The following KDM5D variants were observed in gnomAD, a reference collection of about 807,000 sequenced individuals.
KDM5D encodes lysine-specific demethylase 5D.
Under a neutral mutation model 31.9 loss-of-function variants are expected in KDM5D, and 25 were observed. The ratio of observed to expected loss-of-function variants is 0.78; its 90% confidence interval spans 0.57 to 1.09. KDM5D has a LOEUF of 1.09. Ranked by LOEUF, KDM5D falls within the 50% of genes least tolerant of loss-of-function variation. The probability of loss-of-function intolerance (pLI) is 0.00; values close to 1 mark genes in which losing one functional copy is unlikely to be tolerated. For synonymous variants in KDM5D, 146 were observed against 122.3 expected (o/e 1.19, Z -1.28); for missense variants, 366 against 341.6 (o/e 1.07, Z -0.56).
rs1268263652 is a variant in KDM5D, at chrY:19,710,260, C to T, written c.2583+116G>A. 4 of 372,181 alleles carry T rather than the reference C, an allele frequency of 1.1e-5. No homozygotes were observed. In the Admixed American group the frequency reaches 3.4e-4, roughly 32 times the overall value. 92.8% of individuals were successfully genotyped at this position (372,181 alleles called of 400,897 possible). A position where few individuals can be genotyped will look rare whatever the true frequency, so the allele number is the denominator to read the frequency against. On this transcript the variant is annotated intron_variant, in intron 19 of 26. Transcript: ENST00000317961. ...TATCTCCGCCACTTCCAGGAAAGAA[C>T]CTGTTATTATGAGAAGGTTGTTTAG...
Position 19,707,321 on chromosome Y carries a change from C to T in KDM5D, c.3825G>A (p.Trp1275Ter), listed in dbSNP as rs1411817412. The T allele has an allele frequency of 2.5e-6, 1 of 395,032 alleles. No homozygotes were observed. The highest frequency in any genetic ancestry group is 3.6e-6 in the Non-Finnish European group (1 of 281,258). Residue 1275 changes from tryptophan (W) to a stop codon, truncating the protein, a stop_gained, in exon 24 of 27, where the codon TGG (tryptophan) becomes TGA (stop). Transcript: ENST00000317961. LOFTEE classifies it high-confidence loss of function. ...LQCLTERAIG[W>*]QDRARKALAS... ...CCAGAGCCTTTCTGGCACGGTCTTG[C>T]CAGCCAATGGCCCTCTCTGTGAGAC...
intron 19 of KDM5D, chrY:19,710,050 C>A: frequency 2.9e-6 from 1 of 349,345 alleles, no homozygotes; most frequent in South Asian, 3.7e-5. Flanking sequence ...ACAATCTTAT[C>A]CATCTAGTAA....
At chrY:19,744,126 T>C in intron 2 of KDM5D, among the ~76,000 whole-genome samples, 1 of 33,854 alleles carries the variant, frequency 3.0e-5, no homozygotes, top group Non-Finnish European at 7.3e-5. Context: ...CTAAACTATA[T>C]TTAATAACAG....
intron 18 of KDM5D, 26 bp from the exon 19 acceptor site, chrY:19,710,498 G>C: frequency 3.7e-6 from 1 of 272,711 alleles, no homozygotes; most frequent in Non-Finnish European, 5.7e-6. Flanking sequence ...GGAACACCTC[G>C]TAATGTCACA....
chrY:19,744,336 C>A, intron 2 of KDM5D, 49 bp downstream of exon 2: 1 of 351,740 alleles, frequency 2.8e-6, no homozygotes, highest in Non-Finnish European at 4.1e-6. Context: ...ACTGCCCCAA[C>A]GTTCAAACCA....
At chrY:19,730,912 T>C in intron 11 of KDM5D, among the ~76,000 whole-genome samples, 3 of 33,315 alleles carry the variant, frequency 9.0e-5, no homozygotes, top group African/African-American at 1.2e-4. Context: ...TTATGCAGCA[T>C]ATGACCGACT....
intron 9 of KDM5D, among the ~76,000 whole-genome samples, 168 bp downstream of exon 9, chrY:19,732,416 G>A (rs2045479605): frequency 6.3e-5 from 2 of 31,927 alleles, no homozygotes; most frequent in African/African-American, 2.5e-4. Context: ...TCATTCTAGA[G>A]TTAGTGTGTT....
At chrY:19,727,587 A>G (rs901221214) in intron 11 of KDM5D, among the ~76,000 whole-genome samples, 1 of 33,688 alleles carries the variant, frequency 3.0e-5, no homozygotes, top group East Asian at 7.8e-4. Context: ...ACAGCAACGA[A>G]AAACACTAAT....
At chrY:19,735,566 A>G in intron 7 of KDM5D, 55 bp downstream of exon 7, 2 of 397,329 alleles carry the variant, frequency 5.0e-6, no homozygotes, top group Non-Finnish European at 7.1e-6. Context: ...TATTTCTCCC[A>G]TGAAACTTTA....
Position 19,704,752 on chromosome Y carries a change from G to C in KDM5D, c.*1243C>G. ...AGTCTGTATTATTAGATCACCCAGA[G>C]ACACACAAAACAAGAACCGTGAATT... On this transcript the variant is annotated 3_prime_UTR_variant, in exon 27 of 27. Transcript: ENST00000317961. 1 of 33,181 alleles carries C rather than the reference G, an allele frequency of 3.0e-5. No homozygotes were observed. The highest frequency in any genetic ancestry group is 6.7e-4 in the South Asian group (1 of 1,488). The allele number at this position is 33,181 out of a possible 400,897, so 8.3% of individuals were successfully genotyped here.
rs373545978 is a variant in KDM5D at position 19,706,658 on chromosome Y, C to T, written c.4070-18G>A. ...CTCCAGGTCTGGGCGGAAGGTGGTG[C>T]GGTGAAAGGTGCAGGGACAGACTGG... On this transcript the variant is annotated intron_variant, in intron 25 of 26. Coordinates refer to ENST00000317961, the MANE Select transcript of KDM5D (RefSeq NM_004653.5). 10 of 392,812 alleles carry T rather than the reference C, an allele frequency of 2.5e-5. No homozygotes were observed. The African/African-American group carries it at 3.2e-4, about 13-fold the overall frequency.
intron 11 of KDM5D, among the ~76,000 whole-genome samples, chrY:19,730,506 A>G: frequency 3.0e-5 from 1 of 33,669 alleles, no homozygotes. Context: ...GACCAAAGTT[A>G]CCAATGGAGG....
At chrY:19,742,735 G>C (rs2045561575) in intron 3 of KDM5D, among the ~76,000 whole-genome samples, 3 of 33,348 alleles carry the variant, frequency 9.0e-5, no homozygotes, top group African/African-American at 2.4e-4. Flanking sequence ...TGAGGCAAGA[G>C]AATCCCTTGA....
intron 5 of KDM5D, 109 bp from the exon 6 acceptor site, chrY:19,739,771 A>G: frequency 5.5e-6 from 1 of 183,061 alleles, no homozygotes; most frequent in East Asian, 1.2e-4. Context: ...TAAATTACAC[A>G]GGTCCACTCC....
chrY:19,714,941 G>A, intron 18 of KDM5D, among the ~76,000 whole-genome samples: 1 of 33,703 alleles, frequency 3.0e-5, no homozygotes. Flanking sequence ...TAAAGTTTGT[G>A]GAAATTCCGA....
At chrY:19,729,087 C>A (rs2045454685) in intron 11 of KDM5D, among the ~76,000 whole-genome samples, 1 of 31,315 alleles carries the variant, frequency 3.2e-5, no homozygotes, top group Non-Finnish European at 7.7e-5. Context: ...GTGGTGGACG[C>A]CTGTAATCCC....
chrY:19,726,843 T>C, intron 11 of KDM5D, among the ~76,000 whole-genome samples: 1 of 33,205 alleles, frequency 3.0e-5, no homozygotes, highest in African/African-American at 1.2e-4. Flanking sequence ...GACAGGAATA[T>C]ATTTGAAAAA....
chrY:19,717,109 A>C (rs776529568), intron 13 of KDM5D, among the ~76,000 whole-genome samples: 7 of 33,444 alleles, frequency 2.1e-4, no homozygotes, highest in Middle Eastern at 0.013. Context: ...AATAAAATAA[A>C]ATAAAAAACC....
chrY:19,708,591 C>T (rs2045268299), intron 21 of KDM5D, among the ~76,000 whole-genome samples, 168 bp from the exon 22 acceptor site: 1 of 34,117 alleles, frequency 2.9e-5, no homozygotes, highest in African/African-American at 1.1e-4. Context: ...AGAACTCCTA[C>T]TTTAATTGGC....
Sources: allele counts gnomAD v4.1 joint callset (sites outside exome capture counted in the v4.1 genomes callset), GRCh38; gene constraint gnomAD v4.1.1; transcripts MANE v1.5; gene names NCBI Gene and HGNC (gene_info 2026-07-23, HGNC 2026-07-21).